Variants in LRP2 observed in about 807,000 individuals in gnomAD.
LRP2 encodes low-density lipoprotein receptor-related protein 2.
A neutral mutation model predicts 531.0 loss-of-function variants in LRP2; 172 were observed. The observed-to-expected ratio is 0.32, with a 90% CI of 0.29 to 0.37. The LOEUF is 0.37. Among genes scored for constraint, LRP2 ranks in the 10% least tolerant of loss-of-function variants. The pLI, the probability that LRP2 is intolerant of heterozygous loss-of-function variation, is 1.00. For missense variants in LRP2, 5,167 were observed against 5,868.3 expected (o/e 0.88, Z 3.90); for synonymous variants, 1,992 against 2,027.6 (o/e 0.98, Z 0.47).
chr2:169,307,376 T>C lies in LRP2; in HGVS notation c.332A>G (p.His111Arg), dbSNP rs773221527. 6.2e-7 allele frequency: 1 copy of C among 1,612,628 alleles called. No individual in the cohort carries two copies. The highest frequency in any genetic ancestry group is 1.1e-5 in the South Asian group (1 of 91,048). Residue 111 changes from histidine (H) to arginine (R), a missense_variant, in exon 4 of 79, where the codon CAT becomes CGT. By Grantham distance (29) the His-to-Arg change is conservative. Transcript: ENST00000649046. ...CTGACCATTGGAGCATGTTATCTGA[T>C]GACTTGAGCATGTACTTTGTGCTGC... is the stretch of plus-strand genomic sequence containing the variant. Reference protein sequence around the residue: ...QDCSQSTCSSHQITCSNGQCI... With the variant: ...QDCSQSTCSSRQITCSNGQCI...
rs764829267 is a variant in LRP2, at chr2:169,233,445, C to T, written c.5064G>A (p.Gly1688=). 9 of 1,614,104 alleles carry T rather than the reference C, an allele frequency of 5.6e-6. No individual in the cohort carries two copies. The Admixed American group carries it at 6.7e-5, about 12-fold the overall frequency. ...GTTTCGAAGGATGAACCGCAACAATCCCAAGGGGCCATTGAATATTATACA... is the reference window on the plus strand; with the variant it reads ...GTTTCGAAGGATGAACCGCAACAATTCCAAGGGGCCATTGAATATTATACA... ...VVMYNIQWPL[G]IVAVHPSKQP... The change falls in exon 30 of 79, where the codon GGG becomes GGA. Residue 1688 remains glycine, a synonymous_variant. Coordinates refer to ENST00000649046, the MANE Select transcript of LRP2 (RefSeq NM_004525.3).
rs1301935509 is a variant in LRP2 at position 169,231,902 on chromosome 2, CAG to C, written c.5099-62_5099-61del. ...GAAAACCTCCACATTAAAATCAAAA[CAG>C]AGTCATGCTCTTAGTGTCCTTCCAG... On this transcript the variant is annotated intron_variant, in intron 30 of 78. Transcript: ENST00000649046. The C allele has an allele frequency of 9.4e-6, 15 of 1,593,310 alleles. No homozygotes were observed. The African/African-American group carries it at 1.6e-4, about 17-fold the overall frequency.
intron 56 of LRP2, 133 bp downstream of exon 56, chr2:169,173,786 G>C: frequency 7.9e-7 from 1 of 1,261,530 alleles, no homozygotes; most frequent in Non-Finnish European, 1.1e-6. Flanking sequence ...CAGTGCCAGA[G>C]TTTGCAGGGA....
intron 12 of LRP2, among the ~76,000 whole-genome samples, chr2:169,278,285 G>C (rs1306093141): frequency 2.6e-5 from 4 of 152,022 alleles, no homozygotes; most frequent in Non-Finnish European, 5.9e-5. Flanking sequence ...CATGTTTCAA[G>C]ACCAGCCTGG....
At chr2:169,276,676 A>C (rs1008398990) in intron 13 of LRP2, among the ~76,000 whole-genome samples, 2 of 152,188 alleles carry the variant, frequency 1.3e-5, no homozygotes, top group African/African-American at 2.4e-5. Flanking sequence ...AGAGGAAACA[A>C]AACTATAATA....
At chr2:169,163,165 T>C (rs900030798) in intron 62 of LRP2, among the ~76,000 whole-genome samples, 3 of 152,198 alleles carry the variant, frequency 2.0e-5, no homozygotes, top group Non-Finnish European at 4.4e-5. Flanking sequence ...TCAAAGCATT[T>C]GATAAAGCTA....
rs183612744 is a variant in LRP2, at chr2:169,354,548, T to A, written c.79+7773A>T. Among the ~76,000 whole-genome samples the A allele has an allele frequency of 1.1e-3, 165 of 152,328 alleles. 3 individuals are homozygous for A. Among genetic ancestry groups the A allele is most frequent in the Non-Finnish European group, 2.1e-3 (141 of 68,024 alleles). On this transcript the variant is annotated intron_variant, in intron 1 of 78. Coordinates refer to ENST00000649046, the MANE Select transcript of LRP2 (RefSeq NM_004525.3). ...AAAAGTGAAACTTCAAATTGTCTAA[T>A]CTGTCATTATCTAGGAAAGACTTAC...
intron 1 of LRP2, among the ~76,000 whole-genome samples, chr2:169,360,138 AAAAAAAAAAAG>A (rs1356408310): frequency 3.9e-5 from 5 of 128,792 alleles, no homozygotes; most frequent in African/African-American, 5.6e-5. Flanking sequence ...CAAAAAAAAA[AAAAAAAAAAAG>A]AGAGAGAGAG....
At position 169,127,524 on chromosome 2, in the gene LRP2, C is replaced by A; in HGVS notation, c.*1139G>T. 1 of 113,780 alleles carries A rather than the reference C, an allele frequency of 8.8e-6. No homozygotes were observed. Among genetic ancestry groups the A allele is most frequent in the Non-Finnish European group, 1.8e-5 (1 of 56,946 alleles). 7.0% of individuals were successfully genotyped at this position (113,780 alleles called of 1,614,324 possible). ...GATCAGCCTTGGCAATATAGCAAGA[C>A]TCCATCTCTAAAAAAAAAAAAAAAA... On this transcript the variant is annotated 3_prime_UTR_variant, in exon 79 of 79. Coordinates refer to ENST00000649046, the MANE Select transcript of LRP2 (RefSeq NM_004525.3).
intron 19 of LRP2, among the ~76,000 whole-genome samples, chr2:169,255,723 AT>A (rs1201545990): frequency 6.6e-6 from 1 of 152,202 alleles, no homozygotes; most frequent in Non-Finnish European, 1.5e-5. Context: ...GAATAATGAA[AT>A]GCTACAATGA....
intron 40 of LRP2, 52 bp downstream of exon 40, chr2:169,205,971 T>A (rs1688369779): frequency 3.7e-6 from 6 of 1,608,076 alleles, no homozygotes; most frequent in African/African-American, 1.3e-5. Context: ...TCAGGCCCCA[T>A]TTTTTCCAGA....
Position 169,277,814 on chromosome 2 carries a change from G to A in LRP2, c.1703C>T (p.Ser568Leu), listed in dbSNP as rs141305635. 4.8e-5 allele frequency: 77 copies of A among 1,613,870 alleles called. No individual in the cohort carries two copies. Among genetic ancestry groups the A allele is most frequent in the Non-Finnish European group, 5.8e-5 (68 of 1,179,982 alleles). ...AGAGTCAACCCAGTAAACACGCTTC[G>A]ATATCATATCCAGAGTTACCCCAGC... Reference protein sequence around the residue: ...WPAGVTLDMISKRVYWVDSRF... With the variant: ...WPAGVTLDMILKRVYWVDSRF... The change falls in exon 13 of 79, where the codon TCG (serine) becomes TTG (leucine). Residue 568 changes from serine to leucine, a missense_variant. This residue lies in a region of LRP2 where 2,811 missense variants were observed against 3,058.0 expected (regional missense o/e 0.92). Coordinates refer to ENST00000649046, the MANE Select transcript of LRP2 (RefSeq NM_004525.3).
intron 4 of LRP2, among the ~76,000 whole-genome samples, chr2:169,302,438 C>G (rs553569421): frequency 6.6e-6 from 1 of 152,132 alleles, no homozygotes; most frequent in East Asian, 1.9e-4. Context: ...ATCAGTGGTT[C>G]TCAACTGGAT....
At position 169,220,572 on chromosome 2, in the gene LRP2, T is replaced by C. The variant is rs970500538; in HGVS notation, c.5539-9A>G. The C allele has an allele frequency of 5.1e-6, 8 of 1,569,184 alleles. No homozygotes were observed. In the South Asian group the frequency reaches 7.8e-5, roughly 15 times the overall value. ...CCGTGGAGTGTCAAAACCTATAGCA[T>C]AAAATCACTTATTAGAACTGACTTT... On this transcript the variant is annotated splice_polypyrimidine_tract_variant and intron_variant, in intron 33 of 78. Transcript: ENST00000649046.
At chr2:169,309,900 T>C (rs896700156) in intron 3 of LRP2, among the ~76,000 whole-genome samples, 15 of 152,208 alleles carry the variant, frequency 9.9e-5, no homozygotes, top group Non-Finnish European at 1.9e-4. Context: ...TTTATTTCAC[T>C]GAGAATGGTT....
At chr2:169,317,573 T>C (rs908827127) in intron 3 of LRP2, among the ~76,000 whole-genome samples, 1 of 152,246 alleles carries the variant, frequency 6.6e-6, no homozygotes, top group Non-Finnish European at 1.5e-5. Flanking sequence ...TAGTTAGGCT[T>C]CTTATTATGT....
chr2:169,198,600 C>G (rs1407437424), intron 45 of LRP2, among the ~76,000 whole-genome samples, 186 bp downstream of exon 45: 1 of 152,130 alleles, frequency 6.6e-6, no homozygotes, highest in Admixed American at 6.6e-5. Context: ...AGCCAGGGAA[C>G]AGAGAGAAAG....
Position 169,202,768 on chromosome 2 carries a change from C to G in LRP2, c.8197G>C (p.Glu2733Gln). The G allele has an allele frequency of 6.2e-7, 1 of 1,614,222 alleles. No individual in the cohort carries two copies. Among genetic ancestry groups the G allele is most frequent in the South Asian group, 1.1e-5 (1 of 91,082 alleles). The change falls in exon 43 of 79, where the codon GAA (glutamate) becomes CAA (glutamine). Residue 2733 changes from glutamate (E) to glutamine (Q), a missense_variant. Coordinates refer to ENST00000649046, the MANE Select transcript of LRP2 (RefSeq NM_004525.3). Reference protein sequence around the residue: ...NDCGDGSDEMESVCALHTCSP... With the variant: ...NDCGDGSDEMQSVCALHTCSP... ...GAGTCCAACTCACCACAGACACTTT[C>G]CATCTCATCACTGCCATCCCCACAG...
At position 169,264,174 on chromosome 2, in the gene LRP2, G is replaced by A. The variant is rs564265988; in HGVS notation, c.2321-4957C>T. On this transcript the variant is annotated intron_variant, in intron 16 of 78. Coordinates refer to ENST00000649046, the MANE Select transcript of LRP2 (RefSeq NM_004525.3). ...ACGAGTTAGTGGGTGCAGCGCACCA[G>A]CATGGCACATGTATACATATGTAAC... 5.9e-4 allele frequency among the ~76,000 whole-genome samples: 90 copies of A among 152,160 alleles called. 1 individual carries two copies. The South Asian group carries it at 0.018, about 30-fold the overall frequency.
Sources: gnomAD v4.1 joint callset for allele counts (sites outside exome capture counted in the v4.1 genomes callset) on GRCh38, gnomAD v4.1.1 for gene constraint, gnomAD v4.1.1 regional missense constraint, MANE v1.5 for transcripts, NCBI Gene and HGNC (gene_info 2026-07-23, HGNC 2026-07-21) for gene names.